ACIN1: variants seen among roughly 807,000 people sequenced by gnomAD.
ACIN1 encodes the protein apoptotic chromatin condensation inducer 1.
ACIN1 carries 16 observed loss-of-function variants against 146.6 expected under a neutral mutation model. The ratio of observed to expected loss-of-function variants is 0.11; its 90% CI spans 0.07 to 0.17. The LOEUF is 0.17. Among genes scored for constraint, ACIN1 ranks in the 10% least tolerant of loss-of-function variants. The probability of loss-of-function intolerance (pLI) is 1.00; values close to 1 mark genes in which losing one functional copy is unlikely to be tolerated. For synonymous variants in ACIN1, 569 were observed against 582.7 expected, an observed-to-expected ratio of 0.98 and a Z score of 0.34; for missense variants, 1,357 against 1,609.3, an observed-to-expected ratio of 0.84 and a Z score of 2.68.
rs1354967809 is a variant in ACIN1 at position 23,059,153 on chromosome 14, G to A, written c.3847C>T (p.Arg1283Cys). 4 of 1,613,136 alleles carry A rather than the reference G, an allele frequency of 2.5e-6. No individual in the cohort carries two copies. Among genetic ancestry groups the A allele is most frequent in the Non-Finnish European group, 3.4e-6 (4 of 1,179,434 alleles). Residue 1283 changes from arginine (R) to cysteine (C), a missense_variant, in exon 19 of 19, where the codon CGC becomes TGC. By Grantham distance (180) the Arg-to-Cys change is radical. Around this residue, in one of 4 missense-constraint regions of ACIN1, gnomAD observed 509 missense variants for 719.6 expected, o/e 0.71. Transcript: ENST00000605057. ...CAGCTCTAGTGTTTTCCCAGCTAGC[G>A]GCGCCCACCCCGGTCCCGCACAGGT... ...STPVRDRGGR[R>C]
At position 23,080,270 on chromosome 14, in the gene ACIN1, C is replaced by G. The variant is rs745882443; in HGVS notation, c.1065G>C (p.Glu355Asp). The change falls in exon 6 of 19, where the codon GAG becomes GAC. Residue 355 changes from glutamate to aspartate, a missense_variant. Physicochemically the swap from Glu to Asp is conservative, Grantham distance 45 (BLOSUM62 2). Around this residue, in one of 4 missense-constraint regions of ACIN1, gnomAD observed 771 missense variants for 746.6 expected, o/e 1.03. Coordinates refer to ENST00000605057, the MANE Select transcript of ACIN1 (RefSeq NM_001386863.1). The stretch of plus-strand genomic sequence containing the variant: ...CCTTTGTTAGTAAAGGTGGAGGAGT[C>G]TCCTCCTCGCTGGCAGTTTGCTCTG... ...ALPEQTASEE[E>D]TPPPLLTKEA... The G allele has an allele frequency of 8.7e-6, 14 of 1,614,080 alleles. No homozygotes were observed.
In ACIN1 at chr14:23,090,056, A is replaced by T. The variant is rs373898368; in HGVS notation, c.362T>A (p.Val121Glu). The T allele has an allele frequency of 1.2e-4, 191 of 1,613,624 alleles. No individual in the cohort carries two copies. The highest frequency in any genetic ancestry group is 1.6e-4 in the Non-Finnish European group (183 of 1,179,910). Residue 121 changes from valine (V) to glutamate (E), a missense_variant, in exon 4 of 19, where the codon GTG becomes GAG. Transcript: ENST00000605057. ...SEDEMIHPEG[V>E]ASLLPPDFQS... is the part of the protein sequence containing the mutation. ...AAAGTCAGGAGGCAGCAGGGAAGCC[A>T]CTCCCTCAGGATGGATCATCTCGTC...
rs2047869779 is a variant in ACIN1, at chr14:23,078,891, C to T, written c.1936G>A (p.Val646Ile). The T allele has an allele frequency of 1.2e-6, 2 of 1,613,854 alleles. No individual in the cohort carries two copies. Among genetic ancestry groups the T allele is most frequent in the South Asian group, 2.2e-5 (2 of 91,078 alleles). Residue 646 changes from valine to isoleucine, a missense_variant, in exon 7 of 19, where the codon GTC becomes ATC. Around this residue, in one of 4 missense-constraint regions of ACIN1, gnomAD observed 771 missense variants for 746.6 expected, o/e 1.03. Coordinates refer to ENST00000605057, the MANE Select transcript of ACIN1 (RefSeq NM_001386863.1). ...GGCTGACTCAGACGCCTTGCTTGGA[C>T]AGAGGATGAGGAGGTGGAAGTCCTC... ...KERTSTSSSS[V>I]QARRLSQPES...
intron 8 of ACIN1, chr14:23,077,936 T>G: frequency 2.7e-6 from 1 of 373,996 alleles, no homozygotes; most frequent in Non-Finnish European, 4.9e-6. Flanking sequence ...TGATCCCAGG[T>G]GAGTTTTCCT....
At position 23,095,087 on chromosome 14, in the gene ACIN1, A is replaced by T. The variant is rs199783963; in HGVS notation, c.26T>A (p.Leu9Gln). 6.2e-7 allele frequency: 1 copy of T among 1,614,212 alleles called. No individual in the cohort carries two copies. The highest frequency in any genetic ancestry group is 2.2e-5 in the East Asian group (1 of 44,878). The change falls in exon 1 of 19, where the codon CTG becomes CAG. Residue 9 changes from leucine (L) to glutamine (Q), a missense_variant. Physicochemically the swap from Leu to Gln is moderately radical, Grantham distance 113. This residue lies in a region of ACIN1 where 22 missense variants were observed against 19.1 expected (regional missense o/e 1.15). Coordinates refer to ENST00000605057, the MANE Select transcript of ACIN1 (RefSeq NM_001386863.1). Reference protein sequence around the residue: MAELEEVTLDGKPLQALRV... With the variant: MAELEEVTQDGKPLQALRV... ...CAGCGCCTGAAGAGGCTTCCCGTCC[A>T]GAGTCACCTCCTCCAGCTCCGCCAT...
chr14:23,083,739 A>G (rs1306686387), intron 4 of ACIN1, among the ~76,000 whole-genome samples: 1 of 152,182 alleles, frequency 6.6e-6, no homozygotes, highest in Non-Finnish European at 1.5e-5. Context: ...AAAAAAACAA[A>G]AAAGATCAAC....
Position 23,080,657 on chromosome 14 carries a change from TTCA to T in ACIN1, c.675_677del (p.Asp225del), listed in dbSNP as rs774092437. The T allele has an allele frequency of 6.6e-5, 107 of 1,613,194 alleles. No individual in the cohort carries two copies. The highest frequency in any genetic ancestry group is 2.7e-4 in the African/African-American group (20 of 74,454). On this transcript the variant is annotated inframe_deletion, in exon 6 of 19. Transcript: ENST00000605057. ...GTCCCTCATCATCACCTTCCTCTTC[TTCA>T]TCATCTTCTTCCTCCTCCTCCTCCT...
chr14:23,091,626 ATTT>A (rs149184878), intron 2 of ACIN1, among the ~76,000 whole-genome samples: 2 of 137,940 alleles, frequency 1.4e-5, no homozygotes. Flanking sequence ...TCCAGGAAAC[ATTT>A]TTTTTTTTTT....
At chr14:23,062,134 CCCCT>C in intron 16 of ACIN1, 30 bp downstream of exon 16, 1 of 1,515,064 alleles carries the variant, frequency 6.6e-7, no homozygotes, top group Non-Finnish European at 9.2e-7. Flanking sequence ...GCTTCCCCTG[CCCCT>C]CCTCTCTTTC....
chr14:23,065,045 G>A (rs1261374110), intron 10 of ACIN1, among the ~76,000 whole-genome samples: 2 of 152,148 alleles, frequency 1.3e-5, no homozygotes, highest in Non-Finnish European at 1.5e-5. Flanking sequence ...CAAGTAGTGT[G>A]GAAGAAAAAC....
At chr14:23,066,797 G>A (rs1461833267) in intron 9 of ACIN1, among the ~76,000 whole-genome samples, 1 of 152,202 alleles carries the variant, frequency 6.6e-6, no homozygotes, top group African/African-American at 2.4e-5. Context: ...TCAAGCCTTA[G>A]GGGCTCTGCC....
chr14:23,075,605 A>ATTTT (rs5807201), intron 8 of ACIN1, among the ~76,000 whole-genome samples: 3 of 148,942 alleles, frequency 2.0e-5, no homozygotes, highest in African/African-American at 7.4e-5. Flanking sequence ...TTGAAGTCTA[A>ATTTT]TTTTTTTTTT....
At chr14:23,095,238 G>C (rs377393615), upstream of ACIN1, 1 of 1,611,066 alleles carries the variant, frequency 6.2e-7, no homozygotes, top group African/African-American at 1.3e-5. Context: ...TTACCACTCA[G>C]AACTCCCCGG....
In ACIN1 at chr14:23,080,109, G is replaced by A. The variant is rs1263051569; in HGVS notation, c.1226C>T (p.Ser409Phe). 25 of 1,614,048 alleles carry A rather than the reference G, an allele frequency of 1.5e-5. No homozygotes were observed. The highest frequency in any genetic ancestry group is 2.1e-5 in the Non-Finnish European group (25 of 1,180,026). ...TCCTACCAACTGGACAGTATGCTGA[G>A]ATACTAATAGCTCCCTGGTGTCAGC... is the stretch of plus-strand genomic sequence containing the variant. ...TDADTRELLV[S>F]QHTVQLVGGL... is the part of the protein sequence containing the mutation. The change falls in exon 6 of 19, where the codon TCT becomes TTT. Residue 409 changes from serine to phenylalanine, a missense_variant. Coordinates refer to ENST00000605057, the MANE Select transcript of ACIN1 (RefSeq NM_001386863.1).
rs1228782397 is a variant in ACIN1 at position 23,090,037 on chromosome 14, A to G, written c.381T>C (p.Pro127=). The change falls in exon 4 of 19, where the codon CCT becomes CCC. Residue 127 remains proline (P), a synonymous_variant. Transcript: ENST00000605057. ...GTCTCTCCAGGCTGCTCTGAAAGTC[A>G]GGAGGCAGCAGGGAAGCCACTCCCT... ...HPEGVASLLP[P]DFQSSLERPE... 6.2e-7 allele frequency: 1 copy of G among 1,613,420 alleles called. No homozygotes were observed. Among genetic ancestry groups the G allele is most frequent in the South Asian group, 1.1e-5 (1 of 90,948 alleles).
chr14:23,087,192 T>C (rs927580629), intron 4 of ACIN1, among the ~76,000 whole-genome samples: 3 of 152,342 alleles, frequency 2.0e-5, no homozygotes, highest in Non-Finnish European at 4.4e-5. Flanking sequence ...ATTCTATACC[T>C]GGAAGAATCT....
At chr14:23,060,916 C>T (rs190805370) in intron 18 of ACIN1, among the ~76,000 whole-genome samples, 168 bp downstream of exon 18, 2 of 152,340 alleles carry the variant, frequency 1.3e-5, no homozygotes, top group Admixed American at 1.3e-4. Context: ...AGTCTGGTTT[C>T]TCTATGTTAT....
intron 4 of ACIN1, 118 bp downstream of exon 4, chr14:23,089,864 T>C: frequency 3.1e-6 from 4 of 1,300,422 alleles, no homozygotes; most frequent in Non-Finnish European, 4.1e-6. Context: ...CAAATATCAA[T>C]GTCACAGAAT....
At position 23,059,227 on chromosome 14, in the gene ACIN1, C is replaced by T. The variant is rs377506742; in HGVS notation, c.3773G>A (p.Arg1258Lys). The T allele has an allele frequency of 1.9e-6, 3 of 1,613,852 alleles. No homozygotes were observed. The highest frequency in any genetic ancestry group is 2.7e-5 in the African/African-American group (2 of 74,854). ...RERDRERGRE[R>K]DRRDTKRHSR... is the part of the protein sequence containing the mutation. ...GTGGCGCTTGGTGTCCCTGCGATCC[C>T]TTTCCCTGCCTCGTTCTCGGTCCCT... The change falls in exon 19 of 19, where the codon AGG becomes AAG. Residue 1258 changes from arginine (R) to lysine (K), a missense_variant. Physicochemically the swap from Arg to Lys is conservative, Grantham distance 26 (BLOSUM62 2). This residue lies in a region of ACIN1 where 509 missense variants were observed against 719.6 expected (regional missense o/e 0.71). Coordinates refer to ENST00000605057, the MANE Select transcript of ACIN1 (RefSeq NM_001386863.1).
Sources: gnomAD v4.1 joint callset for allele counts (sites outside exome capture counted in the v4.1 genomes callset) on GRCh38, gnomAD v4.1.1 for gene constraint, gnomAD v4.1.1 regional missense constraint, MANE v1.5 for transcripts, NCBI Gene and HGNC (gene_info 2026-07-23, HGNC 2026-07-21) for gene names.